Variants in NCAPG observed in about 807,000 individuals in gnomAD.
The protein encoded by NCAPG is condensin complex subunit 3.
NCAPG carries 69 observed loss-of-function variants against 113.1 expected under a neutral mutation model. That is an observed-to-expected ratio of 0.61 (90% CI 0.50 to 0.75). The LOEUF (loss-of-function observed/expected upper bound fraction) is 0.75, where lower values mean the gene tolerates loss of function less well. Among genes scored for constraint, NCAPG ranks in the 30% least tolerant of loss-of-function variants. The pLI is 0.00. For missense variants in NCAPG, 1,058 were observed against 1,177.0 expected, an observed-to-expected ratio of 0.90 and a Z score of 1.48; for synonymous variants, 370 against 415.8, an observed-to-expected ratio of 0.89 and a Z score of 1.34.
chr4:17,830,053 C>T (rs530212107), intron 12 of NCAPG, among the ~76,000 whole-genome samples: 1 of 152,248 alleles, frequency 6.6e-6, no homozygotes, highest in Non-Finnish European at 1.5e-5. Flanking sequence ...GTCAGCCACA[C>T]ATGGCTTTTA....
intron 20 of NCAPG, 58 bp from the exon 21 acceptor site, chr4:17,843,244 T>A: frequency 1.3e-6 from 2 of 1,552,608 alleles, no homozygotes; most frequent in Non-Finnish European, 1.7e-6. Context: ...GTTTTATTTA[T>A]AAATAAACTG....
rs1722287024 is a variant in NCAPG at position 17,840,073 on chromosome 4, A to C, written c.2631A>C (p.Gln877His). 6.3e-7 allele frequency: 1 copy of C among 1,594,272 alleles called. No individual in the cohort carries two copies. Among genetic ancestry groups the C allele is most frequent in the African/African-American group, 1.4e-5 (1 of 73,556 alleles). The change falls in exon 18 of 21, where the codon CAA becomes CAC. Residue 877 changes from glutamine to histidine, a missense_variant and splice_region_variant. By Grantham distance (24) the Gln-to-His change is conservative. Coordinates refer to ENST00000251496, the MANE Select transcript of NCAPG (RefSeq NM_022346.5). ...LLVLLNEILE[Q>H]VKDRTCLRAL... ...GTTAATAATGTTTTCTTTTATAGCA[A>C]GTAAAAGATAGGACATGTCTGAGAG...
chr4:17,825,503 G>C lies in NCAPG; in HGVS notation c.1595G>C (p.Arg532Thr). The C allele has an allele frequency of 6.2e-7, 1 of 1,608,098 alleles. No homozygotes were observed. Among genetic ancestry groups the C allele is most frequent in the South Asian group, 1.1e-5 (1 of 90,134 alleles). Residue 532 changes from arginine to threonine, a missense_variant, in exon 11 of 21, where the codon AGA becomes ACA. Transcript: ENST00000251496. ...GAAATAAAAGCATTAGAAGATGCCAGAATAAACCTTTTGAAAGAGACAGAG... is the reference window on the plus strand; with the variant it reads ...GAAATAAAAGCATTAGAAGATGCCACAATAAACCTTTTGAAAGAGACAGAG... Reference protein sequence around the residue: ...KEEIKALEDARINLLKETEQL... With the variant: ...KEEIKALEDATINLLKETEQL...
At chr4:17,833,455 T>C (rs1308941617) in intron 13 of NCAPG, among the ~76,000 whole-genome samples, 2 of 144,174 alleles carry the variant, frequency 1.4e-5, no homozygotes, top group African/African-American at 2.8e-5. Flanking sequence ...TGACACTCCA[T>C]CTCAAAAAAA....
At chr4:17,839,931 T>C in intron 17 of NCAPG, 94 bp downstream of exon 17, 1 of 1,435,464 alleles carries the variant, frequency 7.0e-7, no homozygotes, top group Non-Finnish European at 9.4e-7. Flanking sequence ...TATGTTAGCA[T>C]ATTGTGACTT....
At chr4:17,840,460 A>C in intron 18 of NCAPG, 147 bp from the exon 19 acceptor site, 1 of 595,952 alleles carries the variant, frequency 1.7e-6, no homozygotes, top group East Asian at 3.4e-5. Flanking sequence ...CCAATATTCA[A>C]ATTTTCGAAA....
chr4:17,843,440 G>A lies in NCAPG; in HGVS notation c.*15G>A. The A allele has an allele frequency of 1.9e-6, 3 of 1,609,416 alleles. No individual in the cohort carries two copies. The highest frequency in any genetic ancestry group is 2.5e-6 in the Non-Finnish European group (3 of 1,176,734). On this transcript the variant is annotated 3_prime_UTR_variant, in exon 21 of 21. Coordinates refer to ENST00000251496, the MANE Select transcript of NCAPG (RefSeq NM_022346.5). ...ATCTAAGTTAGGAAAGACGATGGAGGTGGAATCCTTTAAGATTATGTCCAG... is the reference window on the plus strand; with the variant it reads ...ATCTAAGTTAGGAAAGACGATGGAGATGGAATCCTTTAAGATTATGTCCAG...
chr4:17,830,953 A>G lies in NCAPG; in HGVS notation c.1765-44A>G, dbSNP rs763559676. On this transcript the variant is annotated intron_variant, in intron 12 of 20. Transcript: ENST00000251496. ...GAGGTAATAGACAATAGGGAAATGAAGTAGATCTATGAAATCATATGGAAA... is the reference window on the plus strand; with the variant it reads ...GAGGTAATAGACAATAGGGAAATGAGGTAGATCTATGAAATCATATGGAAA... The G allele has an allele frequency of 1.9e-6, 3 of 1,581,264 alleles. 1 individual carries two copies. In the South Asian group the frequency reaches 3.4e-5, roughly 18 times the overall value.
chr4:17,823,921 CT>C, intron 9 of NCAPG, 151 bp downstream of exon 9: 2 of 590,326 alleles, frequency 3.4e-6, no homozygotes, highest in East Asian at 6.2e-5. Flanking sequence ...CATTATCTAT[CT>C]CTTACATACA....
intron 12 of NCAPG, 134 bp from the exon 13 acceptor site, chr4:17,830,863 C>A: frequency 1.2e-6 from 1 of 838,768 alleles, no homozygotes; most frequent in Non-Finnish European, 1.8e-6. Context: ...GTCACTCTGG[C>A]TATATTGTTC....
chr4:17,825,909 C>T (rs1293186214), intron 11 of NCAPG, among the ~76,000 whole-genome samples: 1 of 151,964 alleles, frequency 6.6e-6, no homozygotes, highest in African/African-American at 2.4e-5. Context: ...CCATTTTCCT[C>T]TTATTTGTGG....
chr4:17,831,243 A>G, intron 13 of NCAPG, 127 bp downstream of exon 13: 1 of 1,062,652 alleles, frequency 9.4e-7, no homozygotes, highest in African/African-American at 1.6e-5. Flanking sequence ...ATCTTTGGAG[A>G]CACAATACTT....
At chr4:17,831,357 C>T (rs183450527) in intron 13 of NCAPG, among the ~76,000 whole-genome samples, 131 of 152,118 alleles carry the variant, frequency 8.6e-4, no homozygotes, top group East Asian at 3.7e-3. Flanking sequence ...TTATTGAGTG[C>T]GTATTATGTG....
rs767055339 is a variant in NCAPG, at chr4:17,812,407, T to C, written c.298T>C (p.Phe100Leu). ...AGATGGTGGCCTTTTAAATTATTTG[T>C]TTACTTTTCTCTTAAAGGTACTATG... ...EEDGGLLNYL[F>L]TFLLKSHEAN... is the part of the protein sequence containing the mutation. Residue 100 changes from phenylalanine (F) to leucine (L), a missense_variant, in exon 2 of 21, where the codon TTT becomes CTT. By Grantham distance (22) the Phe-to-Leu change is conservative. Transcript: ENST00000251496. The C allele has an allele frequency of 2.5e-6, 4 of 1,613,234 alleles. No individual in the cohort carries two copies. The Admixed American group carries it at 5.0e-5, about 20-fold the overall frequency.
chr4:17,821,479 T>TAA (rs895124461), intron 7 of NCAPG, among the ~76,000 whole-genome samples: 4 of 113,726 alleles, frequency 3.5e-5, no homozygotes, highest in Admixed American at 1.9e-4. Context: ...TTTTTTTTTT[T>TAA]AAGAGACGTA....
intron 13 of NCAPG, among the ~76,000 whole-genome samples, chr4:17,833,914 A>G (rs7683396): frequency 0.08 from 12,180 of 152,184 alleles, 1,051 homozygotes; most frequent in African/African-American, 0.22. Context: ...GATGGGCTAG[A>G]ACACTTTCAA....
chr4:17,824,962 T>G lies in NCAPG; in HGVS notation c.1384-6T>G. ...ATATATTAAAGCATGTACTCTGAAC[T>G]TACAGGTTACAGAAATTATCTCAGA... On this transcript the variant is annotated splice_region_variant and splice_polypyrimidine_tract_variant and intron_variant, in intron 9 of 20. Coordinates refer to ENST00000251496, the MANE Select transcript of NCAPG (RefSeq NM_022346.5). 1 of 1,604,660 alleles carries G rather than the reference T, an allele frequency of 6.2e-7. No individual in the cohort carries two copies. The highest frequency in any genetic ancestry group is 8.5e-7 in the Non-Finnish European group (1 of 1,172,700).
rs1316407862 is a variant in NCAPG, at chr4:17,820,596, C to T, written c.1119-2387C>T. Among the ~76,000 whole-genome samples the T allele has an allele frequency of 4.6e-5, 7 of 151,464 alleles. No homozygotes were observed. The East Asian group carries it at 9.7e-4, about 21-fold the overall frequency. ...CAGCCTGGGCAACAGAGCAAGACTCCGTCTCAAAAAAAACAAAAAAAAGAA... is the reference window on the plus strand; with the variant it reads ...CAGCCTGGGCAACAGAGCAAGACTCTGTCTCAAAAAAAACAAAAAAAAGAA... On this transcript the variant is annotated intron_variant, in intron 7 of 20. Coordinates refer to ENST00000251496, the MANE Select transcript of NCAPG (RefSeq NM_022346.5).
Position 17,823,099 on chromosome 4 carries a change from T to G in NCAPG, c.1235T>G (p.Leu412Trp). The G allele has an allele frequency of 6.2e-7, 1 of 1,608,950 alleles. No individual in the cohort carries two copies. Among genetic ancestry groups the G allele is most frequent in the Non-Finnish European group, 8.5e-7 (1 of 1,178,390 alleles). The part of the protein sequence containing the change: ...GQQLILIIKS[L>W]DTSEEGGRKK... Reference sequence around the variant, plus strand: ...CAATTGATTCTAATTATTAAGTCTTTGGATACCAGTGAAGAAGGAGGAAGG... The same window carrying G: ...CAATTGATTCTAATTATTAAGTCTTGGGATACCAGTGAAGAAGGAGGAAGG... Residue 412 changes from leucine to tryptophan, a missense_variant, in exon 8 of 21, where the codon TTG becomes TGG. Leu to Trp is a moderately conservative substitution (Grantham distance 61, BLOSUM62 -2). Transcript: ENST00000251496.
Sources: allele counts gnomAD v4.1 joint callset (sites outside exome capture counted in the v4.1 genomes callset), GRCh38; gene constraint gnomAD v4.1.1; transcripts MANE v1.5; gene names NCBI Gene and HGNC (gene_info 2026-07-23, HGNC 2026-07-21).